The following GRIK1 variants were observed in gnomAD, a reference collection of about 807,000 sequenced individuals.
GRIK1 encodes the protein glutamate receptor ionotropic, kainate 1.
A neutral mutation model predicts 105.7 loss-of-function variants in GRIK1; 69 were observed. The ratio of observed to expected loss-of-function variants is 0.65; its 90% CI spans 0.54 to 0.80. The LOEUF is 0.80. GRIK1 is among the 30% of genes least tolerant of loss of function. The pLI is 0.00. For missense variants in GRIK1, 1,109 were observed against 1,167.3 expected (o/e 0.95, Z 0.73); for synonymous variants, 438 against 431.3 (o/e 1.02, Z -0.19).
intron 9 of GRIK1, chr21:29,596,285 A>C (rs2061410722): frequency 1.6e-6 from 1 of 642,352 alleles, no homozygotes; most frequent in East Asian, 3.0e-5. Flanking sequence ...AACAAAAATA[A>C]TCTTGGGGGA....
intron 1 of GRIK1, among the ~76,000 whole-genome samples, chr21:29,757,658 G>A (rs769581241): frequency 6.6e-6 from 1 of 152,166 alleles, no homozygotes; most frequent in Non-Finnish European, 1.5e-5. Flanking sequence ...CTTATCGAGT[G>A]TGTACCAGAT....
At chr21:29,595,340 GTT>G (rs71191119) in intron 9 of GRIK1, among the ~76,000 whole-genome samples, 1,722 of 136,956 alleles carry the variant, frequency 0.013, 34 homozygotes, top group African/African-American at 0.044. Context: ...AGTGTAATAG[GTT>G]TTTTTTTTTT....
chr21:29,690,078 G>T, intron 2 of GRIK1, 93 bp from the exon 3 acceptor site: 2 of 989,696 alleles, frequency 2.0e-6, no homozygotes, highest in Non-Finnish European at 3.0e-6. Flanking sequence ...TTTCTTTCAT[G>T]ATTCCTCTTT....
intron 1 of GRIK1, among the ~76,000 whole-genome samples, chr21:29,701,317 G>C (rs922171500): frequency 6.6e-6 from 1 of 152,158 alleles, no homozygotes; most frequent in African/African-American, 2.4e-5. Context: ...GTGCTTACTG[G>C]GAGGGCACTT....
At chr21:29,575,222 C>CT (rs981657118) in intron 14 of GRIK1, among the ~76,000 whole-genome samples, 50 of 151,856 alleles carry the variant, frequency 3.3e-4, no homozygotes, top group Non-Finnish European at 6.0e-4. Context: ...GAAATGTGTA[C>CT]TTTTTTTTCC....
chr21:29,887,615 T>G (rs2069682557), intron 1 of GRIK1, among the ~76,000 whole-genome samples: 1 of 152,166 alleles, frequency 6.6e-6, no homozygotes, highest in Admixed American at 6.5e-5. Context: ...TCTCATATAA[T>G]AAGAAAGTCA....
intron 1 of GRIK1, among the ~76,000 whole-genome samples, chr21:29,823,792 G>C (rs796859871): frequency 6.6e-6 from 1 of 151,954 alleles, no homozygotes; most frequent in African/African-American, 2.4e-5. Flanking sequence ...AATCTTTTGT[G>C]TATCTGTTAA....
At chr21:29,538,746 T>C (rs2089922091) in intron 16 of GRIK1, among the ~76,000 whole-genome samples, 1 of 152,162 alleles carries the variant, frequency 6.6e-6, no homozygotes, top group Non-Finnish European at 1.5e-5. Flanking sequence ...AAATTTGTGT[T>C]CTATGTTTGC....
intron 6 of GRIK1, among the ~76,000 whole-genome samples, chr21:29,649,057 C>T (rs541399853): frequency 8.9e-4 from 135 of 152,264 alleles, no homozygotes; most frequent in Non-Finnish European, 1.4e-3. Context: ...ATTGATCAAA[C>T]GGAGGTCCTT....
chr21:29,738,237 T>A (rs1400684453), intron 1 of GRIK1, among the ~76,000 whole-genome samples: 1 of 152,252 alleles, frequency 6.6e-6, no homozygotes, highest in Non-Finnish European at 1.5e-5. Flanking sequence ...TCCCACTTTA[T>A]CTGTTTGTGT....
At chr21:29,674,077 GT>G (rs914431637) in intron 3 of GRIK1, among the ~76,000 whole-genome samples, 89 of 137,848 alleles carry the variant, frequency 6.5e-4, no homozygotes, top group Admixed American at 7.3e-4. Flanking sequence ...TTTTTTTGTT[GT>G]TTTTTTTTTT....
At chr21:29,714,078 T>G (rs1410743832) in intron 1 of GRIK1, among the ~76,000 whole-genome samples, 1 of 152,222 alleles carries the variant, frequency 6.6e-6, no homozygotes, top group African/African-American at 2.4e-5. Context: ...GAGATTTTCC[T>G]AGAATATTAA....
At chr21:29,767,502 C>G (rs1461801483) in intron 1 of GRIK1, among the ~76,000 whole-genome samples, 2 of 150,318 alleles carry the variant, frequency 1.3e-5, no homozygotes, top group African/African-American at 4.9e-5. Flanking sequence ...AAGGTTTGCT[C>G]AGGAGAAAGA....
chr21:29,637,997 AGACTCCAATAATAATAATGAT>A (rs2062430965), intron 7 of GRIK1, among the ~76,000 whole-genome samples: 3 of 152,230 alleles, frequency 2.0e-5, no homozygotes, highest in African/African-American at 7.2e-5. Context: ...ACTTTATCCT[AGACTCCAATAATAATAATGAT>A]GACTCCAATA....
intron 3 of GRIK1, among the ~76,000 whole-genome samples, chr21:29,683,582 G>A (rs1049713477): frequency 2.6e-5 from 4 of 152,116 alleles, no homozygotes; most frequent in African/African-American, 9.7e-5. Flanking sequence ...TTGGGTACAC[G>A]TGGACATAAA....
intron 1 of GRIK1, among the ~76,000 whole-genome samples, chr21:29,902,179 C>T (rs906851720): frequency 3.9e-5 from 6 of 152,206 alleles, no homozygotes; most frequent in African/African-American, 1.4e-4. Context: ...GACAAACTCA[C>T]AGCCAATGTC....
chr21:29,851,579 G>A (rs994633619), intron 1 of GRIK1, among the ~76,000 whole-genome samples: 1 of 152,114 alleles, frequency 6.6e-6, no homozygotes, highest in Non-Finnish European at 1.5e-5. Context: ...AATGACTTTA[G>A]CTTGAGTCCT....
intron 1 of GRIK1, among the ~76,000 whole-genome samples, chr21:29,778,156 T>C (rs1418338052): frequency 1.3e-5 from 2 of 152,170 alleles, no homozygotes; most frequent in Non-Finnish European, 2.9e-5. Context: ...CAATTTAGTA[T>C]ACATGTTTTG....
intron 1 of GRIK1, among the ~76,000 whole-genome samples, chr21:29,807,951 A>G (rs964052351): frequency 1.1e-4 from 16 of 152,024 alleles, no homozygotes; most frequent in Non-Finnish European, 2.1e-4. Context: ...CTTCTCATTG[A>G]GGGGCTTGGT....
Sources: allele counts gnomAD v4.1 joint callset (sites outside exome capture counted in the v4.1 genomes callset), GRCh38; gene constraint gnomAD v4.1.1; transcripts MANE v1.5; gene names NCBI Gene and HGNC (gene_info 2026-07-23, HGNC 2026-07-21).